Variants in CMSS1 observed in about 807,000 individuals in gnomAD.
The protein encoded by CMSS1 is cms1 ribosomal small subunit homolog.
Under a neutral mutation model 43.5 loss-of-function variants are expected in CMSS1, and 33 were observed. The observed-to-expected ratio is 0.76, with a 90% confidence interval of 0.57 to 1.01. The LOEUF is 1.01. Among genes scored for constraint, CMSS1 ranks in the 50% least tolerant of loss-of-function variants. CMSS1 has a pLI of 0.00. For missense variants in CMSS1, 313 were observed against 326.4 expected, an observed-to-expected ratio of 0.96 and a Z score of 0.32; for synonymous variants, 115 against 117.2, an observed-to-expected ratio of 0.98 and a Z score of 0.12.
intron 1 of CMSS1, among the ~76,000 whole-genome samples, chr3:99,896,564 AAGT>A (rs1244437662): frequency 2.0e-5 from 3 of 152,188 alleles, no homozygotes; most frequent in Admixed American, 6.5e-5. Flanking sequence ...CCCTTTATTA[AAGT>A]AGTAAGAACA....
At chr3:100,071,599 G>T (rs1355732757) in intron 1 of CMSS1, among the ~76,000 whole-genome samples, 1 of 152,120 alleles carries the variant, frequency 6.6e-6, no homozygotes, top group Non-Finnish European at 1.5e-5. Context: ...CCCCATTTTT[G>T]ATGTCCTCGG....
intron 1 of CMSS1, among the ~76,000 whole-genome samples, chr3:99,828,450 CT>C (rs540949688): frequency 0.024 from 3,306 of 137,110 alleles, 111 homozygotes; most frequent in African/African-American, 0.077. Context: ...TCACTGCACC[CT>C]TTTTTTTTTT....
chr3:100,147,843 A>G (rs2066867425), intron 2 of CMSS1, among the ~76,000 whole-genome samples: 1 of 152,142 alleles, frequency 6.6e-6, no homozygotes, highest in African/African-American at 2.4e-5. Flanking sequence ...TGCCATTACC[A>G]GAATTGGCCA....
intron 1 of CMSS1, among the ~76,000 whole-genome samples, chr3:99,864,692 C>T: frequency 6.6e-6 from 1 of 152,094 alleles, no homozygotes; most frequent in Non-Finnish European, 1.5e-5. Flanking sequence ...CTGTTCTCCT[C>T]TTTGCTCACT....
intron 1 of CMSS1, among the ~76,000 whole-genome samples, chr3:99,912,334 G>A (rs956840689): frequency 1.3e-4 from 20 of 152,082 alleles, no homozygotes; most frequent in Admixed American, 2.6e-4. Flanking sequence ...GGTTTCTAGC[G>A]GCTGTAGTGT....
intron 1 of CMSS1, among the ~76,000 whole-genome samples, chr3:99,954,578 C>T (rs1708265994): frequency 6.6e-6 from 1 of 152,122 alleles, no homozygotes; most frequent in African/African-American, 2.4e-5. Context: ...GTAATCCCAG[C>T]ACTTTGGGAG....
chr3:100,168,916 C>T (rs200331137), intron 6 of CMSS1, among the ~76,000 whole-genome samples: 37 of 149,152 alleles, frequency 2.5e-4, no homozygotes, highest in East Asian at 7.8e-4. Context: ...CATATATATA[C>T]ACACACACAC....
chr3:100,081,126 T>C (rs1230093809), intron 1 of CMSS1, among the ~76,000 whole-genome samples: 1 of 152,214 alleles, frequency 6.6e-6, no homozygotes, highest in Non-Finnish European at 1.5e-5. Flanking sequence ...TGAGCCTTAA[T>C]TTTTGAAAAG....
chr3:99,934,333 G>T (rs1403757418), intron 1 of CMSS1, among the ~76,000 whole-genome samples: 1 of 152,210 alleles, frequency 6.6e-6, no homozygotes, highest in Non-Finnish European at 1.5e-5. Flanking sequence ...TCAGATTTCT[G>T]TGAAAATCTA....
intron 1 of CMSS1, among the ~76,000 whole-genome samples, chr3:100,119,300 C>T (rs1435454340): frequency 6.6e-6 from 1 of 152,190 alleles, no homozygotes; most frequent in Non-Finnish European, 1.5e-5. Context: ...AGCTAGATCA[C>T]AGGACATCAG....
At chr3:100,039,533 T>A (rs1260876271) in intron 1 of CMSS1, among the ~76,000 whole-genome samples, 3 of 152,170 alleles carry the variant, frequency 2.0e-5, no homozygotes, top group Non-Finnish European at 4.4e-5. Context: ...TCTTATAATA[T>A]GCGGGATACC....
chr3:99,846,417 A>G (rs1252634171), intron 1 of CMSS1, among the ~76,000 whole-genome samples: 2 of 152,256 alleles, frequency 1.3e-5, no homozygotes, highest in Non-Finnish European at 2.9e-5. Context: ...CTCATGAAGC[A>G]GCAGCATTAT....
Position 100,133,449 on chromosome 3 carries a change from C to A in CMSS1, c.65-13524C>A, listed in dbSNP as rs116829881. 4.2e-3 allele frequency among the ~76,000 whole-genome samples: 631 copies of A among 151,312 alleles called. 8 individuals carry two copies. The highest frequency in any genetic ancestry group is 0.015 in the African/African-American group (603 of 40,848). On this transcript the variant is annotated intron_variant, in intron 1 of 9. Coordinates refer to ENST00000421999, the MANE Select transcript of CMSS1 (RefSeq NM_032359.4). ...TAGGACTGTCTTTTTATAGTGGAAC[C>A]AAATTTTTTTGGTTTTTTTTTACTT...
chr3:99,975,117 T>C (rs1033179502), intron 1 of CMSS1, among the ~76,000 whole-genome samples: 9 of 152,184 alleles, frequency 5.9e-5, no homozygotes, highest in African/African-American at 2.2e-4. Flanking sequence ...TGAAGTACCT[T>C]TCACCTAGCA....
At chr3:100,004,933 T>C (rs1035933863) in intron 1 of CMSS1, among the ~76,000 whole-genome samples, 4 of 152,180 alleles carry the variant, frequency 2.6e-5, no homozygotes, top group Non-Finnish European at 4.4e-5. Flanking sequence ...CCATTAGATA[T>C]TGGATTTCAC....
At chr3:99,960,708 A>G (rs1021455720) in intron 1 of CMSS1, among the ~76,000 whole-genome samples, 2 of 152,098 alleles carry the variant, frequency 1.3e-5, no homozygotes, top group Non-Finnish European at 2.9e-5. Context: ...GAACACTTTC[A>G]CTTTCAGGGC....
chr3:100,136,415 G>GC (rs1360451250), intron 1 of CMSS1, among the ~76,000 whole-genome samples: 1 of 152,194 alleles, frequency 6.6e-6, no homozygotes, highest in Non-Finnish European at 1.5e-5. Context: ...AAGCCAGGAG[G>GC]CTGAGGGCCG....
At chr3:99,900,703 G>A (rs564734126) in intron 1 of CMSS1, among the ~76,000 whole-genome samples, 1 of 152,238 alleles carries the variant, frequency 6.6e-6, no homozygotes, top group South Asian at 2.1e-4. Context: ...TCTTTTCCAC[G>A]CAAGTCTTAA....
intron 1 of CMSS1, among the ~76,000 whole-genome samples, chr3:99,836,744 T>C (rs547879968): frequency 6.6e-6 from 1 of 152,300 alleles, no homozygotes; most frequent in Non-Finnish European, 1.5e-5. Flanking sequence ...GAACAGTACA[T>C]AGTGATTGAA....
Sources: allele counts gnomAD v4.1 joint callset (sites outside exome capture counted in the v4.1 genomes callset), GRCh38; gene constraint gnomAD v4.1.1; transcripts MANE v1.5; gene names NCBI Gene and HGNC (gene_info 2026-07-23, HGNC 2026-07-21).